The following LHFPL3 variants were observed in gnomAD, a reference collection of about 807,000 sequenced individuals.
The protein encoded by LHFPL3 is LHFPL tetraspan subfamily member 3, also known as LHFPL tetraspan subfamily member 3 protein.
Under a neutral mutation model 19.3 loss-of-function variants are expected in LHFPL3, and 5 were observed. The ratio of observed to expected loss-of-function variants is 0.26; its 90% CI spans 0.14 to 0.54. The LOEUF (loss-of-function observed/expected upper bound fraction) is 0.54. Among genes scored for constraint, LHFPL3 ranks in the 20% least tolerant of loss-of-function variants. The pLI, the probability that LHFPL3 is intolerant of heterozygous loss-of-function variation, is 0.94. For missense variants in LHFPL3, 249 were observed against 307.4 expected (o/e 0.81, Z 1.42); for synonymous variants, 133 against 126.2 (o/e 1.05, Z -0.36).
intron 1 of LHFPL3, among the ~76,000 whole-genome samples, chr7:104,335,876 C>T (rs1170772281): frequency 1.5e-5 from 2 of 131,886 alleles, no homozygotes; most frequent in South Asian, 2.5e-4. Flanking sequence ...AAAAAAGAAA[C>T]AGAAGAGCAT....
chr7:104,627,573 C>T (rs987219450), intron 1 of LHFPL3, among the ~76,000 whole-genome samples: 23 of 152,272 alleles, frequency 1.5e-4, no homozygotes, highest in African/African-American at 5.5e-4. Context: ...ATCCCAACAG[C>T]CCCAAAGGAT....
intron 1 of LHFPL3, among the ~76,000 whole-genome samples, chr7:104,515,030 T>C (rs1479397512): frequency 6.6e-6 from 1 of 152,212 alleles, no homozygotes. Flanking sequence ...AATTTTGTCC[T>C]ACTTCTTTCA....
In LHFPL3 at chr7:104,360,280, C is replaced by T. The variant is rs74423946; in HGVS notation, c.445+31056C>T. Reference sequence around the variant, plus strand: ...GCATAACCTGCTCTTTGGAGTCTTGCGTTCCAATGTATCATGTTCCACAGT... The same window carrying T: ...GCATAACCTGCTCTTTGGAGTCTTGTGTTCCAATGTATCATGTTCCACAGT... On this transcript the variant is annotated intron_variant, in intron 1 of 2. Transcript: ENST00000424859. 3.2e-4 allele frequency among the ~76,000 whole-genome samples: 48 copies of T among 152,302 alleles called. No individual in the cohort carries two copies. The East Asian group carries it at 7.1e-3, about 23-fold the overall frequency.
intron 1 of LHFPL3, among the ~76,000 whole-genome samples, chr7:104,593,546 C>G (rs1050423280): frequency 2.0e-5 from 3 of 152,130 alleles, no homozygotes; most frequent in African/African-American, 7.2e-5. Context: ...CTGTAGATGT[C>G]TATTAGGTCT....
intron 2 of LHFPL3, among the ~76,000 whole-genome samples, chr7:104,748,115 G>A (rs1039563254): frequency 4.6e-5 from 7 of 151,354 alleles, no homozygotes; most frequent in East Asian, 2.0e-4. Flanking sequence ...GATTAAGGGC[G>A]GTGCAAGATG....
chr7:104,855,649 A>C (rs1272040602), intron 2 of LHFPL3, among the ~76,000 whole-genome samples: 1 of 147,590 alleles, frequency 6.8e-6, no homozygotes, highest in African/African-American at 2.5e-5. Context: ...TTTTAGTCGG[A>C]GCCTCGCTCT....
chr7:104,844,260 C>A (rs958047064), intron 2 of LHFPL3, among the ~76,000 whole-genome samples: 27 of 152,238 alleles, frequency 1.8e-4, no homozygotes, highest in Non-Finnish European at 3.7e-4. Flanking sequence ...TTCAGCAGTT[C>A]TCTGTGAGGC....
intron 1 of LHFPL3, among the ~76,000 whole-genome samples, chr7:104,562,388 A>G (rs1310868811): frequency 6.6e-6 from 1 of 152,018 alleles, no homozygotes; most frequent in East Asian, 1.9e-4. Context: ...ATTTCTTTTT[A>G]TTCTTTTTTC....
intron 2 of LHFPL3, among the ~76,000 whole-genome samples, chr7:104,849,345 T>C (rs574926131): frequency 2.0e-5 from 3 of 152,322 alleles, no homozygotes; most frequent in African/African-American, 7.2e-5. Context: ...CAAAACTAAC[T>C]GAGCTCCCGA....
intron 2 of LHFPL3, among the ~76,000 whole-genome samples, chr7:104,794,478 T>TA (rs1326733797): frequency 6.6e-6 from 1 of 152,164 alleles, no homozygotes. Flanking sequence ...GAAGTAGAAT[T>TA]ACGGTGGCTG....
chr7:104,720,073 A>G (rs76867565), intron 1 of LHFPL3, among the ~76,000 whole-genome samples: 10,141 of 152,240 alleles, frequency 0.067, 481 homozygotes, highest in Middle Eastern at 0.13. Context: ...CTCTGGCTCT[A>G]TTAGCCAAAA....
chr7:104,614,650 T>TCTCTTCTCTTCTCTC (rs1554415296), intron 1 of LHFPL3, among the ~76,000 whole-genome samples: 1 of 109,770 alleles, frequency 9.1e-6, no homozygotes, highest in Non-Finnish European at 1.9e-5. Flanking sequence ...TCTCTTCTCT[T>TCTCTTCTCTTCTCTC]CTCTCCTTCC....
chr7:104,670,218 A>G (rs1792449072), intron 1 of LHFPL3, among the ~76,000 whole-genome samples: 1 of 152,018 alleles, frequency 6.6e-6, no homozygotes, highest in Non-Finnish European at 1.5e-5. Context: ...TCATTGGACC[A>G]AAATAAATGG....
At chr7:104,715,541 T>C (rs1245815175) in intron 1 of LHFPL3, among the ~76,000 whole-genome samples, 1 of 152,202 alleles carries the variant, frequency 6.6e-6, no homozygotes, top group East Asian at 1.9e-4. Context: ...TTATACATGG[T>C]GTTCATTATT....
At chr7:104,518,045 T>C (rs1047203205) in intron 1 of LHFPL3, among the ~76,000 whole-genome samples, 1 of 152,150 alleles carries the variant, frequency 6.6e-6, no homozygotes, top group Admixed American at 6.6e-5. Flanking sequence ...GTCAAATTGA[T>C]GCTGATCCCA....
chr7:104,376,832 C>A (rs935236894), intron 1 of LHFPL3, among the ~76,000 whole-genome samples: 4 of 152,160 alleles, frequency 2.6e-5, no homozygotes, highest in Admixed American at 2.0e-4. Context: ...TTACACCTCC[C>A]AAATTGACTT....
intron 1 of LHFPL3, among the ~76,000 whole-genome samples, chr7:104,429,233 C>T (rs911298041): frequency 2.0e-5 from 3 of 150,048 alleles, no homozygotes; most frequent in African/African-American, 7.4e-5. Flanking sequence ...AATACCAGAG[C>T]GTAGCAATAA....
At chr7:104,403,537 TCTC>T (rs1791356047) in intron 1 of LHFPL3, among the ~76,000 whole-genome samples, 1 of 152,208 alleles carries the variant, frequency 6.6e-6, no homozygotes, top group Admixed American at 6.5e-5. Context: ...ATTCAACTCT[TCTC>T]CTCTTTAATA....
chr7:104,408,633 T>C (rs1429229649), intron 1 of LHFPL3, among the ~76,000 whole-genome samples: 1 of 152,146 alleles, frequency 6.6e-6, no homozygotes, highest in Non-Finnish European at 1.5e-5. Context: ...CATTTTATCA[T>C]CACAACTTGA....
Sources: allele counts gnomAD v4.1 joint callset (sites outside exome capture counted in the v4.1 genomes callset), GRCh38; gene constraint gnomAD v4.1.1; transcripts MANE v1.5; gene names NCBI Gene and HGNC (gene_info 2026-07-23, HGNC 2026-07-21).